PDILT: variants seen among roughly 807,000 people sequenced by gnomAD.
PDILT encodes protein disulfide isomerase like, testis expressed.
Under a neutral mutation model 53.7 loss-of-function variants are expected in PDILT, and 43 were observed. The ratio of observed to expected loss-of-function variants is 0.80; its 90% confidence interval spans 0.63 to 1.03. The LOEUF (loss-of-function observed/expected upper bound fraction) is 1.03. Ranked by LOEUF, PDILT falls within the 50% of genes least tolerant of loss-of-function variation. The pLI is 0.00. For synonymous variants in PDILT, 282 were observed against 274.2 expected, an observed-to-expected ratio of 1.03 and a Z score of -0.28; for missense variants, 727 against 712.3, an observed-to-expected ratio of 1.02 and a Z score of -0.24.
rs8049346 is a variant in PDILT at position 20,403,415 on chromosome 16, T to C, written c.-8+1081A>G. On this transcript the variant is annotated intron_variant, in intron 1 of 11. Transcript: ENST00000302451. ...AGCGATTCTCCTGCTTCAACCTCCC[T>C]AGCAGCTGGGACTACAGGCACCCGC... Among the ~76,000 whole-genome samples, 5 of 152,190 alleles carry C rather than the reference T, an allele frequency of 3.3e-5. No homozygotes were observed. The East Asian group carries it at 9.7e-4, about 30-fold the overall frequency.
intron 9 of PDILT, among the ~76,000 whole-genome samples, chr16:20,363,818 T>G (rs1220284908): frequency 6.6e-6 from 1 of 152,108 alleles, no homozygotes; most frequent in African/African-American, 2.4e-5. Context: ...ACACTGAACT[T>G]TCTTGTGGAC....
At chr16:20,379,807 C>T (rs553293332) in intron 3 of PDILT, among the ~76,000 whole-genome samples, 3 of 152,192 alleles carry the variant, frequency 2.0e-5, no homozygotes, top group Non-Finnish European at 2.9e-5. Context: ...GATATGGTGG[C>T]TTCAAGAGAA....
intron 2 of PDILT, among the ~76,000 whole-genome samples, chr16:20,393,758 G>A (rs1000892886): frequency 6.6e-6 from 1 of 152,224 alleles, no homozygotes; most frequent in Non-Finnish European, 1.5e-5. Flanking sequence ...GTGTGACAGT[G>A]TGAGGTTGGC....
intron 7 of PDILT, among the ~76,000 whole-genome samples, chr16:20,372,056 A>G (rs1343005667): frequency 1.3e-5 from 2 of 152,178 alleles, no homozygotes; most frequent in Non-Finnish European, 2.9e-5. Flanking sequence ...TACTTCCTAT[A>G]AAGATGAAGA....
At chr16:20,380,885 G>A (rs1055820324) in intron 3 of PDILT, among the ~76,000 whole-genome samples, 5 of 152,230 alleles carry the variant, frequency 3.3e-5, no homozygotes, top group African/African-American at 1.2e-4. Flanking sequence ...GCCCCTGTGG[G>A]ACCGAGGTAG....
rs756440745 is a variant in PDILT, at chr16:20,369,508, A to G, written c.1100T>C (p.Leu367Pro). ...ESLKKFGRSFLSKNATKHQSS... is the reference protein window; with the variant it reads ...ESLKKFGRSFPSKNATKHQSS... ...AAAACCTACTGTGGCATTTTTACTC[A>G]GGAAGCTGCGGCCAAATTTCTTGAG... The change falls in exon 8 of 12, where the codon CTG becomes CCG. Residue 367 changes from leucine (L) to proline (P), a missense_variant. Physicochemically the swap from Leu to Pro is moderately conservative, Grantham distance 98 (BLOSUM62 -3). Transcript: ENST00000302451. 6 of 1,614,116 alleles carry G rather than the reference A, an allele frequency of 3.7e-6. No individual in the cohort carries two copies. The highest frequency in any genetic ancestry group is 5.1e-6 in the Non-Finnish European group (6 of 1,179,918).
At chr16:20,387,238 T>C (rs1438702898) in intron 2 of PDILT, among the ~76,000 whole-genome samples, 2 of 152,188 alleles carry the variant, frequency 1.3e-5, no homozygotes, top group African/African-American at 4.8e-5. Context: ...TGTTAGATAA[T>C]ATGTGCTTTG....
chr16:20,375,995 C>G (rs896172105), intron 4 of PDILT, 73 bp downstream of exon 4: 3 of 1,573,968 alleles, frequency 1.9e-6, no homozygotes, highest in Non-Finnish European at 2.6e-6. Flanking sequence ...GAAGAGTCTC[C>G]TCACACCACC....
At chr16:20,383,432 C>T (rs369357448) in intron 3 of PDILT, among the ~76,000 whole-genome samples, 1 of 152,116 alleles carries the variant, frequency 6.6e-6, no homozygotes, top group African/African-American at 2.4e-5. Context: ...GCTTCTCTCA[C>T]TGCTCCCGCC....
rs534151453 is a variant in PDILT at position 20,403,358 on chromosome 16, T to C, written c.-8+1138A>G. Among the ~76,000 whole-genome samples, 223 of 152,320 alleles carry C rather than the reference T, an allele frequency of 1.5e-3. 2 individuals carry two copies. Among genetic ancestry groups the C allele is most frequent in the African/African-American group, 1.6e-3 (67 of 41,578 alleles). ...AGGCTGGAGTGCAATCACATGATCTTGGCTCACTGCAGCCTCCGCCTCCTG... is the reference window on the plus strand; with the variant it reads ...AGGCTGGAGTGCAATCACATGATCTCGGCTCACTGCAGCCTCCGCCTCCTG... On this transcript the variant is annotated intron_variant, in intron 1 of 11. Coordinates refer to ENST00000302451, the MANE Select transcript of PDILT (RefSeq NM_174924.2).
At chr16:20,374,198 T>C (rs1312767177) in intron 5 of PDILT, among the ~76,000 whole-genome samples, 1 of 152,024 alleles carries the variant, frequency 6.6e-6, no homozygotes, top group East Asian at 1.9e-4. Context: ...CATTTTATAC[T>C]GTTGATCTAG....
chr16:20,363,539 G>A (rs995206666), intron 9 of PDILT, among the ~76,000 whole-genome samples: 1 of 151,908 alleles, frequency 6.6e-6, no homozygotes, highest in African/African-American at 2.4e-5. Context: ...TCACAATAGA[G>A]GTTTGGGAAC....
At chr16:20,368,339 G>A (rs1195808664) in intron 8 of PDILT, among the ~76,000 whole-genome samples, 1 of 152,114 alleles carries the variant, frequency 6.6e-6, no homozygotes, top group African/African-American at 2.4e-5. Flanking sequence ...GGAGCACAGG[G>A]TCAAAAAGCA....
chr16:20,369,627 C>A lies in PDILT; in HGVS notation c.981G>T (p.Arg327=). The A allele has an allele frequency of 6.2e-7, 1 of 1,614,146 alleles. No individual in the cohort carries two copies. The highest frequency in any genetic ancestry group is 8.5e-7 in the Non-Finnish European group (1 of 1,180,034). Residue 327 remains arginine, a synonymous_variant, in exon 8 of 12, where the codon CGG becomes CGT. Coordinates refer to ENST00000302451, the MANE Select transcript of PDILT (RefSeq NM_174924.2). The stretch of plus-strand genomic sequence containing the variant: ...CGGATGGGATATCGACCTCTGTGAC[C>A]CGGAAGTACTTGAAGACACGTCCAT... ...PRNGRVFKYF[R]VTEVDIPSVQ... is the part of the protein sequence containing the mutation.
Position 20,384,813 on chromosome 16 carries a change from C to A in PDILT, c.241G>T (p.Glu81Ter). The A allele has an allele frequency of 6.2e-7, 1 of 1,614,196 alleles. No homozygotes were observed. Among genetic ancestry groups the A allele is most frequent in the South Asian group, 1.1e-5 (1 of 91,076 alleles). The change falls in exon 3 of 12, where the codon GAG becomes TAG. Residue 81 changes from glutamate (E) to a stop codon, truncating the protein, a stop_gained. Transcript: ENST00000302451. LOFTEE classifies it high-confidence loss of function. Reference sequence around the variant, plus strand: ...ATGATCTCCACAGCTTTGCCCAGCTCTTCCGCCAAGTTCCTGGATTGCTTT... The same window carrying A: ...ATGATCTCCACAGCTTTGCCCAGCTATTCCGCCAAGTTCCTGGATTGCTTT... ...SSKQSRNLAE[E>*]LGKAVEIMGK...
chr16:20,396,040 G>C (rs188785585), intron 2 of PDILT, among the ~76,000 whole-genome samples: 1 of 152,218 alleles, frequency 6.6e-6, no homozygotes, highest in African/African-American at 2.4e-5. Context: ...ATTACTTGTA[G>C]TTGAACTCTG....
At chr16:20,381,207 G>T (rs1200215954) in intron 3 of PDILT, among the ~76,000 whole-genome samples, 1 of 152,218 alleles carries the variant, frequency 6.6e-6, no homozygotes, top group East Asian at 1.9e-4. Context: ...ACCCTGCAAG[G>T]ACTAAATCCC....
At chr16:20,400,054 CTA>C (rs138618785) in intron 1 of PDILT, among the ~76,000 whole-genome samples, 1 of 124,716 alleles carries the variant, frequency 8.0e-6, no homozygotes, top group Admixed American at 7.8e-5. Context: ...ATCTATCTAT[CTA>C]TATATATATA....
chr16:20,372,462 A>G (rs931562886), intron 7 of PDILT, among the ~76,000 whole-genome samples: 15 of 152,166 alleles, frequency 9.9e-5, no homozygotes, highest in Admixed American at 9.8e-4. Context: ...CTCCAGGCCA[A>G]ATGATACCAC....
Sources: allele counts gnomAD v4.1 joint callset (sites outside exome capture counted in the v4.1 genomes callset), GRCh38; gene constraint gnomAD v4.1.1; transcripts MANE v1.5; gene names NCBI Gene and HGNC (gene_info 2026-07-23, HGNC 2026-07-21).